Variants in CEMIP2 observed in about 807,000 individuals in gnomAD.
CEMIP2 encodes cell surface hyaluronidase CEMIP2.
Under a neutral mutation model 146.9 loss-of-function variants are expected in CEMIP2, and 79 were observed. That is an observed-to-expected ratio of 0.54 (90% CI 0.45 to 0.65). CEMIP2 has a LOEUF of 0.65. Among genes scored for constraint, CEMIP2 ranks in the 30% least tolerant of loss-of-function variants. CEMIP2 has a pLI of 0.00. For synonymous variants in CEMIP2, 601 were observed against 606.3 expected (o/e 0.99, Z 0.13); for missense variants, 1,596 against 1,696.2 (o/e 0.94, Z 1.04).
At chr9:71,708,253 G>T (rs188573057) in intron 17 of CEMIP2, among the ~76,000 whole-genome samples, 131 of 152,258 alleles carry the variant, frequency 8.6e-4, no homozygotes, top group African/African-American at 2.8e-3. Flanking sequence ...GTGGGGGCAG[G>T]ATCTGCTCCT....
intron 18 of CEMIP2, among the ~76,000 whole-genome samples, chr9:71,704,052 A>T (rs747150290): frequency 1.1e-4 from 17 of 152,214 alleles, no homozygotes; most frequent in Admixed American, 2.0e-4. Flanking sequence ...AATCAATTAT[A>T]AAAATAGCCC....
chr9:71,727,812 G>A (rs1036231189), intron 10 of CEMIP2, among the ~76,000 whole-genome samples: 3 of 152,136 alleles, frequency 2.0e-5, no homozygotes, highest in Non-Finnish European at 4.4e-5. Flanking sequence ...TGTAATCCCA[G>A]CACTTTGGGA....
chr9:71,758,346 G>A (rs1824526570), intron 1 of CEMIP2, among the ~76,000 whole-genome samples: 1 of 152,086 alleles, frequency 6.6e-6, no homozygotes, highest in Admixed American at 6.5e-5. Flanking sequence ...GATCAACAGG[G>A]GAAAAGACAC....
Position 71,720,575 on chromosome 9 carries a change from A to C in CEMIP2, c.2267+1852T>G, listed in dbSNP as rs544672414. On this transcript the variant is annotated intron_variant, in intron 12 of 23. Coordinates refer to ENST00000377044, the MANE Select transcript of CEMIP2 (RefSeq NM_013390.3). ...CCAAAGTGCTGGGATTACAAGCCTG[A>C]GCCATCACGCCCGGCCCTGATTAAC... 1.1e-4 allele frequency among the ~76,000 whole-genome samples: 17 copies of C among 152,300 alleles called. No individual in the cohort carries two copies. The East Asian group carries it at 3.3e-3, about 29-fold the overall frequency.
At chr9:71,712,937 T>A (rs947709448) in intron 15 of CEMIP2, among the ~76,000 whole-genome samples, 1 of 152,226 alleles carries the variant, frequency 6.6e-6, no homozygotes, top group African/African-American at 2.4e-5. Context: ...ATTCTTTAAT[T>A]GCATGGCAGA....
At position 71,760,389 on chromosome 9, in the gene CEMIP2, G is replaced by C. The variant is rs947080127; in HGVS notation, c.-13+7968C>G. Among the ~76,000 whole-genome samples the C allele has an allele frequency of 5.3e-5, 8 of 152,236 alleles. No individual in the cohort carries two copies. In the East Asian group the frequency reaches 1.5e-3, roughly 29 times the overall value. On this transcript the variant is annotated intron_variant, in intron 1 of 23. Transcript: ENST00000377044. Reference sequence around the variant, plus strand: ...CTATTTATAATGTTTAATGCCAAAAGTGAACCAAGTGAAAACTTCTTAAAG... The same window carrying C: ...CTATTTATAATGTTTAATGCCAAAACTGAACCAAGTGAAAACTTCTTAAAG...
intron 13 of CEMIP2, among the ~76,000 whole-genome samples, chr9:71,717,403 T>G (rs575184478): frequency 6.6e-6 from 1 of 151,756 alleles, no homozygotes; most frequent in Non-Finnish European, 1.5e-5. Flanking sequence ...GAAAAAAAAA[T>G]ACACACACAC....
At chr9:71,710,120 G>A (rs1446772307) in intron 16 of CEMIP2, among the ~76,000 whole-genome samples, 3 of 152,070 alleles carry the variant, frequency 2.0e-5, no homozygotes, top group Non-Finnish European at 2.9e-5. Context: ...TTACTATCTC[G>A]CTCCTCAATA....
intron 1 of CEMIP2, among the ~76,000 whole-genome samples, chr9:71,755,784 G>A (rs1824416211): frequency 6.6e-6 from 1 of 151,230 alleles, no homozygotes; most frequent in Non-Finnish European, 1.5e-5. Context: ...TAGTGAGTGA[G>A]ACCTTATCTC....
chr9:71,746,242 G>A lies in CEMIP2; in HGVS notation c.431C>T (p.Thr144Ile). 1 of 1,613,958 alleles carries A rather than the reference G, an allele frequency of 6.2e-7. No homozygotes were observed. The highest frequency in any genetic ancestry group is 8.5e-7 in the Non-Finnish European group (1 of 1,179,868). Residue 144 changes from threonine (T) to isoleucine (I), a missense_variant, in exon 3 of 24, where the codon ACC becomes ATC. Coordinates refer to ENST00000377044, the MANE Select transcript of CEMIP2 (RefSeq NM_013390.3). ...TATAGAATGCACGGTGGCGTCTGAG[G>A]TCAGACGGAGCATATCTCCCTCCTT... ...VIKEGDMLRL[T>I]SDATVHSIVI...
chr9:71,717,409 C>T (rs1246687981), intron 13 of CEMIP2, among the ~76,000 whole-genome samples: 2 of 151,936 alleles, frequency 1.3e-5, no homozygotes, highest in East Asian at 1.9e-4. Context: ...AAAATACACA[C>T]ACACATTTTT....
chr9:71,740,918 A>G (rs576332230), intron 4 of CEMIP2, among the ~76,000 whole-genome samples: 1 of 152,096 alleles, frequency 6.6e-6, no homozygotes, highest in East Asian at 1.9e-4. Flanking sequence ...TGCTGGCCCC[A>G]CTCTCTCAGT....
At chr9:71,718,277 C>A (rs565608102) in intron 12 of CEMIP2, among the ~76,000 whole-genome samples, 198 bp from the exon 13 acceptor site, 1 of 152,226 alleles carries the variant, frequency 6.6e-6, no homozygotes, top group South Asian at 2.1e-4. Flanking sequence ...AGAGAACCAA[C>A]TGCTTTTACA....
intron 21 of CEMIP2, among the ~76,000 whole-genome samples, chr9:71,691,856 A>G (rs1822235869): frequency 6.6e-6 from 1 of 152,116 alleles, no homozygotes; most frequent in African/African-American, 2.4e-5. Flanking sequence ...CTGTAATCCC[A>G]ACACTCTGGG....
rs144199113 is a variant in CEMIP2 at position 71,694,439 on chromosome 9, A to G, written c.3696+70T>C. On this transcript the variant is annotated intron_variant, in intron 21 of 23. Coordinates refer to ENST00000377044, the MANE Select transcript of CEMIP2 (RefSeq NM_013390.3). ...CACCCAGCCAATTTCTGTTGTTTAT[A>G]AGCTACCTAGTTTATGGCATTTTGT... 1.4e-4 allele frequency: 182 copies of G among 1,284,700 alleles called. 2 individuals are homozygous for G. The African/African-American group carries it at 1.7e-3, about 12-fold the overall frequency. 79.6% of individuals were successfully genotyped at this position (1,284,700 alleles called of 1,614,324 possible).
At chr9:71,685,591 C>T (rs1822037160) in intron 23 of CEMIP2, 152 bp downstream of exon 23, 2 of 833,746 alleles carry the variant, frequency 2.4e-6, no homozygotes, top group African/African-American at 1.7e-5. Flanking sequence ...CAACACACTT[C>T]CTCTCACATT....
At chr9:71,735,155 T>G (rs993598948) in intron 5 of CEMIP2, among the ~76,000 whole-genome samples, 161 bp from the exon 6 acceptor site, 1 of 152,132 alleles carries the variant, frequency 6.6e-6, no homozygotes, top group Non-Finnish European at 1.5e-5. Flanking sequence ...TCTACAGATA[T>G]AAGTAATAAA....
chr9:71,732,429 T>A lies in CEMIP2; in HGVS notation c.1485A>T (p.Gln495His), dbSNP rs1402013774. ...CGTAGCATGAGTCCTCCACTTCTCC[T>A]TGGATCACAATATTCCGGGTAAGAA... ...VGILTRNIVI[Q>H]GEVEDSCYAE... The change falls in exon 7 of 24, where the codon CAA (glutamine) becomes CAT (histidine). Residue 495 changes from glutamine to histidine, a missense_variant. Transcript: ENST00000377044. The A allele has an allele frequency of 6.2e-7, 1 of 1,614,114 alleles. No individual in the cohort carries two copies. The highest frequency in any genetic ancestry group is 1.1e-5 in the South Asian group (1 of 91,070).
chr9:71,697,825 T>A (rs1294), intron 20 of CEMIP2, 160 bp downstream of exon 20: 6 of 655,598 alleles, frequency 9.2e-6, no homozygotes, highest in African/African-American at 1.8e-5. Context: ...CTAGTTTGCT[T>A]CTTACGCGCT....
Sources: gnomAD v4.1 joint callset for allele counts (sites outside exome capture counted in the v4.1 genomes callset) on GRCh38, gnomAD v4.1.1 for gene constraint, MANE v1.5 for transcripts, NCBI Gene and HGNC (gene_info 2026-07-23, HGNC 2026-07-21) for gene names.